The following CDC42BPB variants were observed in gnomAD, a reference collection of about 807,000 sequenced individuals.
The protein encoded by CDC42BPB is CDC42 binding protein kinase beta.
CDC42BPB carries 37 observed loss-of-function variants against 214.9 expected under a neutral mutation model. The observed-to-expected ratio is 0.17, with a 90% CI of 0.13 to 0.23. The LOEUF is 0.23. CDC42BPB is among the 10% of genes least tolerant of loss of function. CDC42BPB has a pLI of 1.00. For synonymous variants in CDC42BPB, 931 were observed against 884.0 expected, an observed-to-expected ratio of 1.05 and a Z score of -0.94; for missense variants, 1,694 against 2,227.0, an observed-to-expected ratio of 0.76 and a Z score of 4.82.
At chr14:103,032,941 A>C (rs1887475136) in intron 1 of CDC42BPB, among the ~76,000 whole-genome samples, 1 of 152,030 alleles carries the variant, frequency 6.6e-6, no homozygotes, top group Admixed American at 6.6e-5. Flanking sequence ...TTTAAAAAAA[A>C]AAAAAAAGGA....
intron 4 of CDC42BPB, among the ~76,000 whole-genome samples, chr14:103,002,549 A>C (rs1008589729): frequency 3.9e-5 from 6 of 152,176 alleles, no homozygotes; most frequent in African/African-American, 1.2e-4. Flanking sequence ...GTTCTTATCG[A>C]AAGTGGAAAT....
chr14:102,946,383 T>C, intron 28 of CDC42BPB, 85 bp downstream of exon 28: 1 of 1,429,654 alleles, frequency 7.0e-7, no homozygotes, highest in Non-Finnish European at 9.7e-7. Context: ...CCTGTGACCT[T>C]CATCTGATTT....
Position 102,944,567 on chromosome 14 carries a change from T to C in CDC42BPB, c.3812-80A>G. ...GGGCTGACGGCCTTGGCTAAAGACT[T>C]GCCTGGAACACTCTGGGGCCCTCCC... On this transcript the variant is annotated intron_variant, in intron 29 of 36. Coordinates refer to ENST00000361246, the MANE Select transcript of CDC42BPB (RefSeq NM_006035.4). The surrounding 1 kb of genome is among the most constrained non-coding windows in gnomAD (Gnocchi z 6.6). 2 of 1,537,604 alleles carry C rather than the reference T, an allele frequency of 1.3e-6. No individual in the cohort carries two copies. The highest frequency in any genetic ancestry group is 1.3e-5 in the South Asian group (1 of 77,496).
intron 4 of CDC42BPB, chr14:102,999,945 G>A (rs1894904740): frequency 2.0e-6 from 2 of 976,930 alleles, no homozygotes; most frequent in East Asian, 1.1e-4. Flanking sequence ...AGTAAGTGAT[G>A]TATTTAATCA....
chr14:102,940,587 G>A, intron 30 of CDC42BPB: 1 of 915,416 alleles, frequency 1.1e-6, no homozygotes, highest in Non-Finnish European at 1.5e-6. Flanking sequence ...GATGTTGAAG[G>A]TGACTTTTAA....
At chr14:103,051,147 T>A (rs1348315470) in intron 1 of CDC42BPB, among the ~76,000 whole-genome samples, 3 of 97,154 alleles carry the variant, frequency 3.1e-5, no homozygotes, top group Non-Finnish European at 5.6e-5. Flanking sequence ...GGCTAGTGTA[T>A]TTGGGGCGGG....
chr14:102,943,382 C>T lies in CDC42BPB; in HGVS notation c.4408+509G>A, dbSNP rs35448327. The stretch of plus-strand genomic sequence containing the variant: ...CATAGAGAAAGTCATGCCAACTAGG[C>T]GAATTCAGTGACCCAACTGTTTGAA... On this transcript the variant is annotated intron_variant, in intron 30 of 36. Transcript: ENST00000361246. The surrounding 1 kb of genome is among the most constrained non-coding windows in gnomAD (Gnocchi z 4.6). Among the ~76,000 whole-genome samples, 1,585 of 152,270 alleles carry T rather than the reference C, an allele frequency of 0.01. 33 individuals are homozygous for T. The highest frequency in any genetic ancestry group is 0.035 in the African/African-American group (1,457 of 41,544).
intron 1 of CDC42BPB, among the ~76,000 whole-genome samples, chr14:103,037,378 G>A (rs940189580): frequency 3.3e-5 from 5 of 151,856 alleles, no homozygotes; most frequent in South Asian, 2.1e-4. Flanking sequence ...CTGCAGCTTC[G>A]ACCTCCCCAG....
chr14:102,935,034 A>G (rs1174214926), intron 36 of CDC42BPB, among the ~76,000 whole-genome samples: 3 of 151,982 alleles, frequency 2.0e-5, no homozygotes, highest in Non-Finnish European at 4.4e-5. Context: ...AAAAAAGAAA[A>G]AAAGAAAAAA....
intron 4 of CDC42BPB, among the ~76,000 whole-genome samples, chr14:103,000,666 G>A (rs772709348): frequency 5.3e-5 from 8 of 152,226 alleles, no homozygotes; most frequent in Admixed American, 2.6e-4. Flanking sequence ...TAACTAACCC[G>A]CACAGGGAGT....
chr14:102,973,903 G>T, intron 12 of CDC42BPB, 113 bp downstream of exon 12: 5 of 1,327,828 alleles, frequency 3.8e-6, no homozygotes, highest in Admixed American at 2.5e-5. Context: ...CATGCAGCAG[G>T]GACAGCCCAT....
In CDC42BPB at chr14:102,983,658, G is replaced by A; in HGVS notation, c.789C>T (p.Asp263=). ...ACATGCAGACACCCAGAGACCACCA[G>A]TCACACTCAGGCCCGTATTTGCCCA... The part of the protein sequence containing the change: ...DGMGKYGPEC[D]WWSLGVCMYE... The change falls in exon 7 of 37, where the codon GAC becomes GAT. Residue 263 remains aspartate (D), a synonymous_variant. Coordinates refer to ENST00000361246, the MANE Select transcript of CDC42BPB (RefSeq NM_006035.4). 6.2e-7 allele frequency: 1 copy of A among 1,613,922 alleles called. No individual in the cohort carries two copies. The highest frequency in any genetic ancestry group is 8.5e-7 in the Non-Finnish European group (1 of 1,180,040).
intron 5 of CDC42BPB, among the ~76,000 whole-genome samples, chr14:102,995,631 C>T (rs912037372): frequency 1.3e-5 from 2 of 152,254 alleles, no homozygotes; most frequent in East Asian, 3.9e-4. Context: ...TTTTGGGGTC[C>T]AGCTGCGGAA....
chr14:103,017,152 T>C (rs1272095591), intron 1 of CDC42BPB, among the ~76,000 whole-genome samples: 1 of 152,072 alleles, frequency 6.6e-6, no homozygotes, highest in Non-Finnish European at 1.5e-5. Flanking sequence ...CAAGACTCTA[T>C]CTCTACAAAA....
In CDC42BPB at chr14:102,949,788, A is replaced by G. The variant is rs1892398520; in HGVS notation, c.3426T>C (p.Ile1142=). ...ACCTGAGATCCAAGACTTGGCTCGCAATGACACCAGGCTGGGTGGATTTTC... is the reference window on the plus strand; with the variant it reads ...ACCTGAGATCCAAGACTTGGCTCGCGATGACACCAGGCTGGGTGGATTTTC... ...PEGKSTQPGV[I]ASQVLDLRDD... is the part of the protein sequence containing the mutation. Residue 1142 remains isoleucine (I), a synonymous_variant, in exon 26 of 37, where the codon ATT becomes ATC. Transcript: ENST00000361246. The G allele has an allele frequency of 1.2e-6, 2 of 1,613,446 alleles. No homozygotes were observed. The highest frequency in any genetic ancestry group is 1.7e-6 in the Non-Finnish European group (2 of 1,180,012).
rs1894961450 is a variant in CDC42BPB at position 103,001,170 on chromosome 14, C to G, written c.448-1457G>C. On this transcript the variant is annotated intron_variant, in intron 4 of 36. Transcript: ENST00000361246. The surrounding 1 kb of genome is among the most constrained non-coding windows in gnomAD (Gnocchi z 5.8). ...GCCTCCCTGCCACCGCCAAGGGCAG[C>G]CCCAGCCTCCCCGCCCTGGCTCAGG... 6.6e-6 allele frequency among the ~76,000 whole-genome samples: 1 copy of G among 152,142 alleles called. No individual in the cohort carries two copies. Among genetic ancestry groups the G allele is most frequent in the Non-Finnish European group, 1.5e-5 (1 of 68,032 alleles).
chr14:102,952,020 C>T (rs996020606), intron 24 of CDC42BPB, among the ~76,000 whole-genome samples: 2 of 152,154 alleles, frequency 1.3e-5, no homozygotes, highest in East Asian at 1.9e-4. Context: ...CAGGGATCCA[C>T]GGTTCCACAG....
At chr14:102,990,737 T>C (rs1345536125) in intron 5 of CDC42BPB, among the ~76,000 whole-genome samples, 4 of 152,248 alleles carry the variant, frequency 2.6e-5, no homozygotes, top group South Asian at 2.1e-4. Context: ...AGAGAAGGTA[T>C]AGGATGAGCC....
rs953530752 is a variant in CDC42BPB, at chr14:102,943,035, A to AT, written c.4408+855dup. Among the ~76,000 whole-genome samples, 82 of 151,498 alleles carry AT rather than the reference A, an allele frequency of 5.4e-4. No individual in the cohort carries two copies. The highest frequency in any genetic ancestry group is 1.9e-3 in the African/African-American group (78 of 41,296). On this transcript the variant is annotated intron_variant, in intron 30 of 36. Coordinates refer to ENST00000361246, the MANE Select transcript of CDC42BPB (RefSeq NM_006035.4). The surrounding 1 kb of genome is among the most constrained non-coding windows in gnomAD (Gnocchi z 4.6). ...AGGCGCCCGCCACCACGCCCGGCTAATTTTTTTTTGTATTTTTAGTAGAGA... is the reference window on the plus strand; with the variant it reads ...AGGCGCCCGCCACCACGCCCGGCTAATTTTTTTTTTGTATTTTTAGTAGAGA...
Sources: gnomAD v4.1 joint callset for allele counts (sites outside exome capture counted in the v4.1 genomes callset) on GRCh38, gnomAD v4.1.1 for gene constraint, Gnocchi (gnomAD v3.1) non-coding constraint, MANE v1.5 for transcripts, NCBI Gene and HGNC (gene_info 2026-07-23, HGNC 2026-07-21) for gene names.